Variants in KIAA1328 observed in about 807,000 individuals in gnomAD.
KIAA1328 encodes protein hinderin.
In KIAA1328, 52 loss-of-function variants were observed where a neutral mutation model predicts 68.1. That is an observed-to-expected ratio of 0.76 (90% CI 0.61 to 0.96). The LOEUF (loss-of-function observed/expected upper bound fraction) is 0.96, where lower values mean the gene tolerates loss of function less well. Among genes scored for constraint, KIAA1328 ranks in the 40% least tolerant of loss-of-function variants. The probability of loss-of-function intolerance (pLI) is 0.00; values close to 1 mark genes in which losing one functional copy is unlikely to be tolerated. For synonymous variants in KIAA1328, 232 were observed against 239.4 expected (o/e 0.97, Z 0.28); for missense variants, 641 against 677.6 (o/e 0.95, Z 0.60).
intron 6 of KIAA1328, among the ~76,000 whole-genome samples, chr18:37,066,556 C>T (rs984258404): frequency 6.6e-6 from 1 of 152,178 alleles, no homozygotes; most frequent in Non-Finnish European, 1.5e-5. Flanking sequence ...TTACGATGTT[C>T]ATGTTTAAGG....
intron 7 of KIAA1328, among the ~76,000 whole-genome samples, chr18:37,110,400 G>A (rs572563609): frequency 1.3e-5 from 2 of 152,188 alleles, no homozygotes; most frequent in Admixed American, 6.5e-5. Context: ...ACCTTTATGT[G>A]CCTGTAAATA....
At chr18:36,829,252 G>T in intron 1 of KIAA1328, 56 bp downstream of exon 1, 1 of 1,462,634 alleles carries the variant, frequency 6.8e-7, no homozygotes, top group African/African-American at 1.5e-5. Flanking sequence ...ACGGCGAGGG[G>T]CGAGCCGTCG....
At chr18:36,866,396 C>T (rs1364814613) in intron 4 of KIAA1328, among the ~76,000 whole-genome samples, 1 of 152,010 alleles carries the variant, frequency 6.6e-6, no homozygotes, top group Non-Finnish European at 1.5e-5. Context: ...CTTTATCCCC[C>T]TCAGATTCTG....
At position 36,913,414 on chromosome 18, in the gene KIAA1328, A is replaced by AT. The variant is rs556733047; in HGVS notation, c.448+27752dup. On this transcript the variant is annotated intron_variant, in intron 5 of 9. Coordinates refer to ENST00000280020, the MANE Select transcript of KIAA1328 (RefSeq NM_020776.3). Reference sequence around the variant, plus strand: ...GATTTTCTGTGTATGTTGGGGATTCATTTTTTTTTTGATAAGAGGCTCTTC... The same window carrying AT: ...GATTTTCTGTGTATGTTGGGGATTCATTTTTTTTTTTGATAAGAGGCTCTTC... Among the ~76,000 whole-genome samples the AT allele has an allele frequency of 8.3e-3, 1,199 of 144,548 alleles. 16 individuals carry two copies. The highest frequency in any genetic ancestry group is 0.023 in the African/African-American group (888 of 39,284). The allele number at this position is 144,548 out of a possible 152,430, so 94.8% of individuals were successfully genotyped here.
At chr18:36,953,996 T>TTTTC (rs2051289091) in intron 5 of KIAA1328, among the ~76,000 whole-genome samples, 4 of 21,924 alleles carry the variant, frequency 1.8e-4, no homozygotes, top group South Asian at 9.9e-3. Flanking sequence ...TGATTGTTTC[T>TTTTC]TTTTTTTTTT....
intron 9 of KIAA1328, among the ~76,000 whole-genome samples, chr18:37,218,062 G>A (rs2060481754): frequency 6.6e-6 from 1 of 152,200 alleles, no homozygotes; most frequent in South Asian, 2.1e-4. Context: ...AGGAAGGGGA[G>A]GGGGACTTAA....
chr18:36,855,521 A>G (rs2047354100), intron 4 of KIAA1328, among the ~76,000 whole-genome samples: 1 of 150,002 alleles, frequency 6.7e-6, no homozygotes, highest in Non-Finnish European at 1.5e-5. Context: ...TTGAGTTATA[A>G]TGTTTCTTTA....
chr18:36,942,557 T>G (rs1439080210), intron 5 of KIAA1328, among the ~76,000 whole-genome samples: 1 of 152,228 alleles, frequency 6.6e-6, no homozygotes, highest in African/African-American at 2.4e-5. Flanking sequence ...GTTACAGTTA[T>G]AAGCAATTTG....
rs759531539 is a variant in KIAA1328 at position 36,959,294 on chromosome 18, A to AT, written c.449-11dup. 6.4e-7 allele frequency: 1 copy of AT among 1,556,448 alleles called. No homozygotes were observed. The highest frequency in any genetic ancestry group is 1.2e-5 in the South Asian group (1 of 81,218). On this transcript the variant is annotated splice_polypyrimidine_tract_variant and intron_variant, in intron 5 of 9. Transcript: ENST00000280020. ...TCAATTTTTCAGTTTTTTTCCCTTA[A>AT]TTTGCAATCTCACCTCTTCAGCTAC...
intron 7 of KIAA1328, among the ~76,000 whole-genome samples, chr18:37,086,467 A>G (rs2057107316): frequency 6.6e-6 from 1 of 152,108 alleles, no homozygotes; most frequent in African/African-American, 2.4e-5. Context: ...TTTCATCTGA[A>G]ATTTCCTTAC....
chr18:36,966,730 A>G (rs186548367), intron 6 of KIAA1328, among the ~76,000 whole-genome samples: 1 of 152,340 alleles, frequency 6.6e-6, no homozygotes, highest in African/African-American at 2.4e-5. Flanking sequence ...ACAGAAGTGC[A>G]AGACGTATAC....
At chr18:37,079,841 T>A (rs985276282) in intron 7 of KIAA1328, among the ~76,000 whole-genome samples, 2 of 146,154 alleles carry the variant, frequency 1.4e-5, no homozygotes, top group Non-Finnish European at 3.0e-5. Flanking sequence ...GAGCTGAGAT[T>A]GGGCCACTGC....
chr18:37,089,774 T>C (rs1054705762), intron 7 of KIAA1328, among the ~76,000 whole-genome samples: 5 of 152,204 alleles, frequency 3.3e-5, no homozygotes, highest in Non-Finnish European at 5.9e-5. Flanking sequence ...TATATAAAAG[T>C]ACAAAAATGG....
chr18:37,060,102 A>C (rs2056089151), intron 6 of KIAA1328, among the ~76,000 whole-genome samples: 1 of 152,236 alleles, frequency 6.6e-6, no homozygotes, highest in Admixed American at 6.5e-5. Flanking sequence ...GCACATGTAT[A>C]CCTATGTAAC....
At chr18:36,951,939 A>G (rs2051177288) in intron 5 of KIAA1328, among the ~76,000 whole-genome samples, 1 of 152,106 alleles carries the variant, frequency 6.6e-6, no homozygotes, top group African/African-American at 2.4e-5. Flanking sequence ...CTCTCCTACC[A>G]GAGGTATCTT....
At chr18:37,063,546 G>GA in intron 6 of KIAA1328, 1 of 633,436 alleles carries the variant, frequency 1.6e-6, no homozygotes, top group Non-Finnish European at 2.0e-6. Flanking sequence ...AAGGAAAGAA[G>GA]ATAATAAAAG....
At chr18:37,198,953 TTTTG>T (rs1261123640) in intron 9 of KIAA1328, among the ~76,000 whole-genome samples, 2 of 152,218 alleles carry the variant, frequency 1.3e-5, no homozygotes, top group African/African-American at 4.8e-5. Flanking sequence ...TGTTTGCTTG[TTTTG>T]TTTTTGTTTT....
intron 6 of KIAA1328, among the ~76,000 whole-genome samples, chr18:37,014,745 C>A (rs1447103247): frequency 6.6e-6 from 1 of 152,014 alleles, no homozygotes; most frequent in Non-Finnish European, 1.5e-5. Flanking sequence ...GAAATCCATC[C>A]CCATAATACA....
At chr18:36,903,976 G>A (rs186423218) in intron 5 of KIAA1328, among the ~76,000 whole-genome samples, 4 of 152,204 alleles carry the variant, frequency 2.6e-5, no homozygotes, top group Admixed American at 1.3e-4. Context: ...GTTTTAATAA[G>A]ATCCCCAGGT....
Sources: gnomAD v4.1 joint callset for allele counts (sites outside exome capture counted in the v4.1 genomes callset) on GRCh38, gnomAD v4.1.1 for gene constraint, MANE v1.5 for transcripts, NCBI Gene and HGNC (gene_info 2026-07-23, HGNC 2026-07-21) for gene names.